The following HDAC4 variants were observed in gnomAD, a reference collection of about 807,000 sequenced individuals.
HDAC4 encodes histone deacetylase A.
Under a neutral mutation model 135.1 loss-of-function variants are expected in HDAC4, and 16 were observed. The ratio of observed to expected loss-of-function variants is 0.12; its 90% CI spans 0.08 to 0.18. The LOEUF is 0.18. Among genes scored for constraint, HDAC4 ranks in the 10% least tolerant of loss-of-function variants. The probability of loss-of-function intolerance (pLI) is 1.00; values close to 1 mark genes in which losing one functional copy is unlikely to be tolerated. For missense variants in HDAC4, 1,143 were observed against 1,511.8 expected, an observed-to-expected ratio of 0.76 and a Z score of 4.05; for synonymous variants, 685 against 653.4, an observed-to-expected ratio of 1.05 and a Z score of -0.74.
At chr2:239,078,037 G>A (rs1005752766) in intron 22 of HDAC4, among the ~76,000 whole-genome samples, 2 of 152,122 alleles carry the variant, frequency 1.3e-5, no homozygotes, top group Non-Finnish European at 2.9e-5. Context: ...TACGAACCAC[G>A]GGCATCTGGA....
chr2:239,091,827 G>C (rs1244869243), intron 17 of HDAC4: 1 of 151,768 alleles, frequency 6.6e-6, no homozygotes, highest in East Asian at 1.9e-4. Flanking sequence ...TTGGGAGGCT[G>C]AGGTGGGCGG....
At chr2:239,096,567 T>C (rs116806888) in intron 16 of HDAC4, among the ~76,000 whole-genome samples, 559 of 21,656 alleles carry the variant, frequency 0.026, 3 homozygotes, top group Admixed American at 0.039. Context: ...CACAGACGCC[T>C]ACACCCCCCA....
intron 1 of HDAC4, among the ~76,000 whole-genome samples, chr2:239,391,720 T>C (rs140455139): frequency 5.9e-4 from 90 of 152,226 alleles, no homozygotes; most frequent in African/African-American, 2.0e-3. Context: ...TGCAGGCACA[T>C]TGGCAGTGTG....
rs2048139209 is a variant in HDAC4, at chr2:239,240,878, A to G, written c.23-4214T>C. Among the ~76,000 whole-genome samples, 1 of 152,222 alleles carries G rather than the reference A, an allele frequency of 6.6e-6. No individual in the cohort carries two copies. The highest frequency in any genetic ancestry group is 2.1e-4 in the South Asian group (1 of 4,830). Reference sequence around the variant, plus strand: ...GGAGTCCGCCCATGGGAGGAACAGGACTAAGACAGACAGTGCTTTTGCTTT... The same window carrying G: ...GGAGTCCGCCCATGGGAGGAACAGGGCTAAGACAGACAGTGCTTTTGCTTT... On this transcript the variant is annotated intron_variant, in intron 2 of 26. Transcript: ENST00000543185. This position sits in a 1 kb window ranked among gnomAD's most constrained non-coding sequence, Gnocchi z 4.5.
intron 11 of HDAC4, 80 bp from the exon 12 acceptor site, chr2:239,126,774 G>T: frequency 6.9e-7 from 1 of 1,459,818 alleles, no homozygotes; most frequent in Non-Finnish European, 9.4e-7. Flanking sequence ...AGTAAGTGAT[G>T]GAGACAACTG....
At position 239,068,564 on chromosome 2, in the gene HDAC4, C is replaced by G; in HGVS notation, c.2794G>C (p.Val932Leu). ...GCATCGAAGCCTGATGACACCAGCA[C>G]CACATCCGGGGCAAACTCGCTGGCG... is the stretch of plus-strand genomic sequence containing the variant. Reference protein sequence around the residue: ...PIASEFAPDVVLVSSGFDAVE... With the variant: ...PIASEFAPDVLLVSSGFDAVE... Residue 932 changes from valine to leucine, a missense_variant, in exon 23 of 27, where the codon GTG becomes CTG. Transcript: ENST00000543185. The surrounding 1 kb of genome is among the most constrained non-coding windows in gnomAD (Gnocchi z 4.4). The G allele has an allele frequency of 6.2e-7, 1 of 1,614,080 alleles. No homozygotes were observed. Among genetic ancestry groups the G allele is most frequent in the Non-Finnish European group, 8.5e-7 (1 of 1,180,022 alleles).
intron 15 of HDAC4, among the ~76,000 whole-genome samples, chr2:239,105,483 C>A (rs1053935597): frequency 6.6e-6 from 1 of 152,212 alleles, no homozygotes; most frequent in Non-Finnish European, 1.5e-5. Flanking sequence ...AGGCAGGGAG[C>A]GAGACAGCTG....
intron 15 of HDAC4, among the ~76,000 whole-genome samples, chr2:239,105,502 G>T (rs1450644693): frequency 6.6e-6 from 1 of 152,202 alleles, no homozygotes; most frequent in Non-Finnish European, 1.5e-5. Context: ...TGCACTGGGA[G>T]CCACGTCTTG....
chr2:239,227,870 A>T (rs919199103), intron 3 of HDAC4, among the ~76,000 whole-genome samples: 5 of 152,322 alleles, frequency 3.3e-5, no homozygotes, highest in Admixed American at 1.3e-4. Flanking sequence ...CTGCCACTGC[A>T]GGGTGGCCCG....
chr2:239,200,101 AC>A (rs1385948713), intron 3 of HDAC4, among the ~76,000 whole-genome samples: 1 of 152,180 alleles, frequency 6.6e-6, no homozygotes, highest in Non-Finnish European at 1.5e-5. Flanking sequence ...CTTAGAGACC[AC>A]AGTCTGGAGA....
intron 2 of HDAC4, among the ~76,000 whole-genome samples, chr2:239,272,303 A>G (rs968460916): frequency 6.6e-6 from 1 of 152,146 alleles, no homozygotes; most frequent in Admixed American, 6.5e-5. Context: ...GCAGCAAAAG[A>G]AAAAAATAGC....
chr2:239,061,480 T>G (rs1369451168), intron 24 of HDAC4, among the ~76,000 whole-genome samples: 2 of 149,996 alleles, frequency 1.3e-5, no homozygotes, highest in Non-Finnish European at 3.0e-5. Context: ...TGTGCGTGCA[T>G]GAGAGGGTGC....
intron 15 of HDAC4, among the ~76,000 whole-genome samples, chr2:239,105,255 C>T (rs2038018625): frequency 6.6e-6 from 1 of 152,232 alleles, no homozygotes; most frequent in Non-Finnish European, 1.5e-5. Flanking sequence ...GTCTCTGTGG[C>T]ATCTGACTTC....
chr2:239,163,776 C>T lies in HDAC4; in HGVS notation c.611+27G>A, dbSNP rs201712026. On this transcript the variant is annotated intron_variant, in intron 6 of 26. Coordinates refer to ENST00000543185, the MANE Select transcript of HDAC4 (RefSeq NM_001378414.1). ...TCCTCTGGGCCCCCAGAGAGGAGGC[C>T]GGGGTGCTCCCCACACCCACACTTA... 209 of 1,612,348 alleles carry T rather than the reference C, an allele frequency of 1.3e-4. No individual in the cohort carries two copies. In the East Asian group the frequency reaches 3.3e-3, roughly 26 times the overall value.
chr2:239,387,946 C>T (rs910988681), intron 1 of HDAC4, among the ~76,000 whole-genome samples: 3 of 152,144 alleles, frequency 2.0e-5, no homozygotes, highest in African/African-American at 7.2e-5. Flanking sequence ...CCACCGCTCT[C>T]GCTTGGGGCC....
chr2:239,234,169 A>G (rs1009693751), intron 3 of HDAC4, among the ~76,000 whole-genome samples: 2 of 152,256 alleles, frequency 1.3e-5, no homozygotes, highest in African/African-American at 4.8e-5. Context: ...TGCAGGCTCA[A>G]TGATGGATGT....
chr2:239,094,275 G>A, intron 17 of HDAC4: 1 of 985,446 alleles, frequency 1.0e-6, no homozygotes, highest in Non-Finnish European at 1.2e-6. Flanking sequence ...AGGAGGTCAG[G>A]GGCCAGGGGA....
intron 2 of HDAC4, among the ~76,000 whole-genome samples, chr2:239,351,058 C>T (rs1488876258): frequency 6.6e-6 from 1 of 152,208 alleles, no homozygotes; most frequent in Admixed American, 6.5e-5. Context: ...GAAAAATATG[C>T]ATCCTCTTAC....
chr2:239,124,447 C>T (rs1402870332), intron 12 of HDAC4, among the ~76,000 whole-genome samples: 1 of 152,266 alleles, frequency 6.6e-6, no homozygotes, highest in East Asian at 1.9e-4. Context: ...GCTTCCCGTG[C>T]TGCCGCTTGT....
Sources: gnomAD v4.1 joint callset for allele counts (sites outside exome capture counted in the v4.1 genomes callset) on GRCh38, gnomAD v4.1.1 for gene constraint, Gnocchi (gnomAD v3.1) non-coding constraint, MANE v1.5 for transcripts, NCBI Gene and HGNC (gene_info 2026-07-23, HGNC 2026-07-21) for gene names.